Variants in TAF1 observed in about 807,000 individuals in gnomAD.
The protein encoded by TAF1 is transcription initiation factor TFIID subunit 1.
TAF1 carries 2 observed loss-of-function variants against 138.5 expected under a neutral mutation model. That is an observed-to-expected ratio of 0.01 (90% CI 0.01 to 0.05). The LOEUF (loss-of-function observed/expected upper bound fraction) is 0.05, where lower values mean the gene tolerates loss of function less well. TAF1 is among the 10% of genes least tolerant of loss of function. TAF1 has a pLI of 1.00. For synonymous variants in TAF1, 437 were observed against 503.2 expected, an observed-to-expected ratio of 0.87 and a Z score of 1.76; for missense variants, 709 against 1,478.0, an observed-to-expected ratio of 0.48 and a Z score of 8.53.
intron 24 of TAF1, among the ~76,000 whole-genome samples, chrX:71,399,611 A>G (rs1297496395): frequency 0.01 from 472 of 46,757 alleles, no homozygotes; most frequent in Middle Eastern, 0.089. Flanking sequence ...TCACTCTGTT[A>G]CCCAGGCTGG....
chrX:71,423,273 C>T (rs779690937), intron 30 of TAF1, 34 bp downstream of exon 30: 11 of 1,208,635 alleles, frequency 9.1e-6, no homozygotes, highest in Non-Finnish European at 1.2e-5. Flanking sequence ...CTGTGAGGAT[C>T]GTGCAGGGGA....
At chrX:71,469,153 C>A (rs1158611069), downstream of TAF1, among the ~76,000 whole-genome samples, 4 of 110,890 alleles carry the variant, frequency 3.6e-5, no homozygotes, top group Non-Finnish European at 7.6e-5. Context: ...AATAAAAAAA[C>A]AATTAGCTGG....
Position 71,366,417 on chromosome X carries a change from C to G in TAF1, c.43C>G (p.Pro15Ala), listed in dbSNP as rs1315190438. Residue 15 changes from proline (P) to alanine (A), a missense_variant, in exon 1 of 38, where the codon CCA becomes GCA. Physicochemically the swap from Pro to Ala is conservative, Grantham distance 27. This residue lies in a region of TAF1 where 123 missense variants were observed against 161.6 expected (regional missense o/e 0.76). Transcript: ENST00000423759. ...DSDEDSAGGG[P>A]FSLAGFLFGN... ...CGACGAAGATTCCGCTGGAGGCGGC[C>G]CATTTTCTTTAGCGGGTTTCCTTTT... 1 of 1,209,724 alleles carries G rather than the reference C, an allele frequency of 8.3e-7. No homozygotes were observed. Among genetic ancestry groups the G allele is most frequent in the South Asian group, 1.8e-5 (1 of 56,855 alleles).
intron 13 of TAF1, among the ~76,000 whole-genome samples, chrX:71,475,595 A>AG (rs1569390324): frequency 9.2e-6 from 1 of 108,860 alleles, no homozygotes; most frequent in Non-Finnish European, 1.9e-5. Flanking sequence ...AAAAAAAAAA[A>AG]AAAAAGAAAA....
At chrX:71,490,311 A>C (rs1039639586) in intron 13 of TAF1, among the ~76,000 whole-genome samples, 3 of 112,400 alleles carry the variant, frequency 2.7e-5, no homozygotes, top group Non-Finnish European at 5.6e-5. Context: ...TTCTTTAAAA[A>C]TTACCCAATT....
intron 28 of TAF1, among the ~76,000 whole-genome samples, chrX:71,412,267 G>A (rs1301277290): frequency 9.1e-6 from 1 of 109,466 alleles, no homozygotes; most frequent in Non-Finnish European, 1.9e-5. Context: ...TGGAACCACA[G>A]GCGCATGCCA....
intron 14 of TAF1, among the ~76,000 whole-genome samples, chrX:71,385,281 G>GT (rs1382631856): frequency 8.9e-6 from 1 of 111,993 alleles, no homozygotes; most frequent in African/African-American, 3.2e-5. Context: ...ATACACACTG[G>GT]TAAGCTCAGT....
intron 13 of TAF1, among the ~76,000 whole-genome samples, chrX:71,476,429 G>T (rs1464457593): frequency 9.1e-6 from 1 of 109,722 alleles, no homozygotes; most frequent in Non-Finnish European, 1.9e-5. Context: ...TGAGTCCAGG[G>T]GTTCAAGATC....
chrX:71,473,229 A>G (rs1327430246), intron 13 of TAF1, among the ~76,000 whole-genome samples: 1 of 111,555 alleles, frequency 9.0e-6, no homozygotes, highest in African/African-American at 3.3e-5. Context: ...GGAAAAGGAA[A>G]TCAACTTTGC....
chrX:71,446,271 C>A (rs1414808238), intron 32 of TAF1, among the ~76,000 whole-genome samples: 1 of 111,546 alleles, frequency 9.0e-6, no homozygotes, highest in Non-Finnish European at 1.9e-5. Context: ...TGTAGGAAAT[C>A]TTGATATTTT....
chrX:71,374,375 A>G (rs1412163792), intron 3 of TAF1, among the ~76,000 whole-genome samples: 2 of 111,476 alleles, frequency 1.8e-5, no homozygotes, highest in Admixed American at 1.9e-4. Context: ...ATGCCCAGCC[A>G]TCATATCTTG....
chrX:71,457,674 T>G (rs977086637), intron 34 of TAF1, among the ~76,000 whole-genome samples: 2 of 112,043 alleles, frequency 1.8e-5, no homozygotes, highest in African/African-American at 3.2e-5. Context: ...TATAGTTGAG[T>G]TAATCAAGGC....
intron 32 of TAF1, among the ~76,000 whole-genome samples, chrX:71,440,864 A>G (rs2037376722): frequency 9.0e-6 from 1 of 111,068 alleles, no homozygotes. Context: ...CTAATGGCTA[A>G]TGATGTTGGG....
At chrX:71,455,245 A>G (rs1343396283) in intron 34 of TAF1, among the ~76,000 whole-genome samples, 2 of 111,611 alleles carry the variant, frequency 1.8e-5, no homozygotes, top group Non-Finnish European at 3.8e-5. Context: ...CCTGTGCCTT[A>G]CAGACACTTG....
chrX:71,377,199 C>T lies in TAF1; in HGVS notation c.714+8C>T, dbSNP rs747430823. 5.8e-6 allele frequency: 7 copies of T among 1,208,918 alleles called. No individual in the cohort carries two copies. In the African/African-American group the frequency reaches 1.1e-4, roughly 18 times the overall value. On this transcript the variant is annotated splice_region_variant and intron_variant, in intron 5 of 37. Transcript: ENST00000423759. ...GAATTTCGACCTGGAAAGGTACATT[C>T]TGTGGAGAATGCTCAGATTGCAAAC...
intron 32 of TAF1, among the ~76,000 whole-genome samples, chrX:71,433,330 G>A (rs2036982430): frequency 8.9e-6 from 1 of 111,810 alleles, no homozygotes; most frequent in Non-Finnish European, 1.9e-5. Flanking sequence ...ATTTGGAGCC[G>A]AGAGAATGAT....
chrX:71,450,722 A>G (rs1432751247), intron 32 of TAF1, among the ~76,000 whole-genome samples: 1 of 112,305 alleles, frequency 8.9e-6, no homozygotes, highest in Non-Finnish European at 1.9e-5. Context: ...TATGACCTAT[A>G]TCTCACTCAT....
rs2035490720 is a variant in TAF1, at chrX:71,406,716, T to A, written c.4077T>A (p.Val1359=). The change falls in exon 26 of 38, where the codon GTT becomes GTA. Residue 1359 remains valine (V), a synonymous_variant. Transcript: ENST00000423759. ...TTCCTCCAAAGAAGAAACGGCGAGT[T>A]GGAACCACTGTTCACTGTGACTATT... ...QQLPPKKKRR[V]GTTVHCDYLN... is the part of the protein sequence containing the mutation. 1 of 1,210,150 alleles carries A rather than the reference T, an allele frequency of 8.3e-7. No homozygotes were observed. The highest frequency in any genetic ancestry group is 1.1e-6 in the Non-Finnish European group (1 of 894,507).
At chrX:71,438,235 TATTC>T (rs1022950378) in intron 32 of TAF1, among the ~76,000 whole-genome samples, 1 of 111,690 alleles carries the variant, frequency 9.0e-6, no homozygotes, top group Non-Finnish European at 1.9e-5. Context: ...ACTTTCTTAT[TATTC>T]CAAACAGAAA....
Sources: gnomAD v4.1 joint callset for allele counts (sites outside exome capture counted in the v4.1 genomes callset) on GRCh38, gnomAD v4.1.1 for gene constraint, gnomAD v4.1.1 regional missense constraint, MANE v1.5 for transcripts, NCBI Gene and HGNC (gene_info 2026-07-23, HGNC 2026-07-21) for gene names.